The following NDUFA10 variants were observed in gnomAD, a reference collection of about 807,000 sequenced individuals.
NDUFA10 encodes the protein NADH:ubiquinone oxidoreductase subunit A10.
A neutral mutation model predicts 47.8 loss-of-function variants in NDUFA10; 40 were observed. The ratio of observed to expected loss-of-function variants is 0.84; its 90% CI spans 0.65 to 1.09. NDUFA10 has a LOEUF of 1.09. Among genes scored for constraint, NDUFA10 ranks in the 50% least tolerant of loss-of-function variants. The pLI is 0.00. For synonymous variants in NDUFA10, 183 were observed against 172.2 expected, an observed-to-expected ratio of 1.06 and a Z score of -0.49; for missense variants, 413 against 451.1, an observed-to-expected ratio of 0.92 and a Z score of 0.76.
intron 4 of NDUFA10, among the ~76,000 whole-genome samples, chr2:239,916,802 C>G (rs904456710): frequency 3.3e-5 from 5 of 152,230 alleles, no homozygotes; most frequent in Admixed American, 2.6e-4. Context: ...TTGATTCCCT[C>G]AGGAGGAGCA....
At chr2:239,995,527 G>A (rs931204098) in intron 8 of NDUFA10, among the ~76,000 whole-genome samples, 2 of 152,178 alleles carry the variant, frequency 1.3e-5, no homozygotes, top group Non-Finnish European at 2.9e-5. Flanking sequence ...TCCAGAGAAG[G>A]CAGAAAAAGA....
Position 239,959,719 on chromosome 2 carries a change from GGACA to G in NDUFA10, c.*1395_*1398del, listed in dbSNP as rs1694770656. ...AGGAAAGAGGCAGGGAGGAAAACAA[GGACA>G]GACGGAAGGAAGGAAGAGAAGGAGG... is the stretch of plus-strand genomic sequence containing the variant. On this transcript the variant is annotated 3_prime_UTR_variant, in exon 10 of 10. Transcript: ENST00000252711. 1 of 788,776 alleles carries G rather than the reference GGACA, an allele frequency of 1.3e-6. No homozygotes were observed. The highest frequency in any genetic ancestry group is 1.9e-5 in the African/African-American group (1 of 52,106). 48.9% of individuals were successfully genotyped at this position (788,776 alleles called of 1,614,324 possible). A position where few individuals can be genotyped will look rare whatever the true frequency, so the allele number is the denominator to read the frequency against.
At chr2:239,980,705 G>A (rs1026249401) in intron 9 of NDUFA10, among the ~76,000 whole-genome samples, 7 of 152,252 alleles carry the variant, frequency 4.6e-5, no homozygotes, top group Non-Finnish European at 1.0e-4. Context: ...TACATGTACA[G>A]CTGAGCTCCG....
chr2:239,941,019 G>A (rs1020620736), intron 4 of NDUFA10, among the ~76,000 whole-genome samples: 14 of 152,200 alleles, frequency 9.2e-5, no homozygotes, highest in Admixed American at 2.6e-4. Context: ...ACTGCAGGCC[G>A]TCTGGGTACC....
intron 4 of NDUFA10, among the ~76,000 whole-genome samples, chr2:239,932,873 G>A (rs184891824): frequency 0.018 from 2,754 of 152,314 alleles, 42 homozygotes; most frequent in Middle Eastern, 0.044. Context: ...GAGCCACCGC[G>A]CCTGGCCTCT....
In NDUFA10 at chr2:240,019,696, G is replaced by A. The variant is rs1454976901; in HGVS notation, c.461-1057C>T. ...TAGCCGGGCGTAGTGGCGGGCGCCT[G>A]TAGTCCCAGCTACTTGGGAGGCTGA... is the stretch of plus-strand genomic sequence containing the variant. On this transcript the variant is annotated intron_variant, in intron 3 of 9. Coordinates refer to ENST00000252711, the MANE Select transcript of NDUFA10 (RefSeq NM_004544.4). Among the ~76,000 whole-genome samples, 5 of 82,478 alleles carry A rather than the reference G, an allele frequency of 6.1e-5. 1 individual carries two copies. The highest frequency in any genetic ancestry group is 2.4e-4 in the African/African-American group (5 of 21,124). The allele number at this position is 82,478 out of a possible 152,430, so 54.1% of individuals were successfully genotyped here.
intron 3 of NDUFA10, among the ~76,000 whole-genome samples, chr2:240,019,236 G>C (rs1265826759): frequency 2.0e-5 from 3 of 152,096 alleles, no homozygotes; most frequent in African/African-American, 7.2e-5. Flanking sequence ...TTTCCACATC[G>C]AGTCTTCATC....
intron 9 of NDUFA10, among the ~76,000 whole-genome samples, chr2:239,981,465 T>G (rs889429976): frequency 2.0e-5 from 3 of 152,104 alleles, no homozygotes; most frequent in African/African-American, 7.2e-5. Flanking sequence ...AGGAATAAGA[T>G]CCTACCAACA....
Position 240,022,393 on chromosome 2 carries a change from A to C in NDUFA10, c.76-53T>G, listed in dbSNP as rs573803718. 163 of 1,611,904 alleles carry C rather than the reference A, an allele frequency of 1.0e-4. 2 individuals are homozygous for C. In the African/African-American group the frequency reaches 2.0e-3, roughly 20 times the overall value. On this transcript the variant is annotated intron_variant, in intron 1 of 9. Transcript: ENST00000252711. ...ACATTGTGACCACTCTGGTTCCTGTAGGCATTAGTAACTATTAGGTAAAAA... is the reference window on the plus strand; with the variant it reads ...ACATTGTGACCACTCTGGTTCCTGTCGGCATTAGTAACTATTAGGTAAAAA...
chr2:240,011,579 A>C, intron 6 of NDUFA10, 38 bp downstream of exon 6: 1 of 1,535,726 alleles, frequency 6.5e-7, no homozygotes, highest in Non-Finnish European at 9.0e-7. Flanking sequence ...GTGGCGAAGA[A>C]GTTTTAGCCC....
chr2:240,021,632 C>A (rs1020432907), intron 2 of NDUFA10, among the ~76,000 whole-genome samples: 7 of 152,216 alleles, frequency 4.6e-5, no homozygotes, highest in East Asian at 3.8e-4. Context: ...TGCACAGTGC[C>A]CTTATCCAGG....
chr2:239,953,187 G>C (rs28722488), downstream of NDUFA10, among the ~76,000 whole-genome samples: 2,435 of 152,298 alleles, frequency 0.016, 56 homozygotes, highest in African/African-American at 0.055. Flanking sequence ...TGTCATCACA[G>C]GGGTTCTTGC....
chr2:239,941,465 C>T (rs1258524991), intron 4 of NDUFA10, among the ~76,000 whole-genome samples: 2 of 151,348 alleles, frequency 1.3e-5, no homozygotes, highest in Non-Finnish European at 2.9e-5. Flanking sequence ...GTGGCTCACA[C>T]CTATAATCCC....
At position 239,906,124 on chromosome 2, in the gene NDUFA10, C is replaced by G. The variant is rs1052603664; in HGVS notation, c.295-10810G>C. ...AGATGTGTGCTGAGCTCATGACCTTCGGGGGCTCTGGGCGGGCCCTGCTCT... is the reference window on the plus strand; with the variant it reads ...AGATGTGTGCTGAGCTCATGACCTTGGGGGGCTCTGGGCGGGCCCTGCTCT... On this transcript the variant is annotated intron_variant, in intron 4 of 5. Coordinates refer to the NDUFA10 transcript ENST00000419408. The surrounding 1 kb of genome is among the most constrained non-coding windows in gnomAD (Gnocchi z 4.3). Among the ~76,000 whole-genome samples, 6 of 152,104 alleles carry G rather than the reference C, an allele frequency of 3.9e-5. No individual in the cohort carries two copies. Among genetic ancestry groups the G allele is most frequent in the African/African-American group, 1.2e-4 (5 of 41,410 alleles).
At chr2:239,982,763 T>G (rs1436755304) in intron 9 of NDUFA10, among the ~76,000 whole-genome samples, 1 of 152,180 alleles carries the variant, frequency 6.6e-6, no homozygotes, top group Non-Finnish European at 1.5e-5. Flanking sequence ...TATTACACCA[T>G]TAGTATTTGT....
chr2:240,022,394 G>A (rs547370720), intron 1 of NDUFA10, 54 bp from the exon 2 acceptor site: 180 of 1,611,478 alleles, frequency 1.1e-4, no homozygotes, highest in Non-Finnish European at 1.5e-4. Flanking sequence ...GGTTCCTGTA[G>A]GCATTAGTAA....
intron 4 of NDUFA10, among the ~76,000 whole-genome samples, chr2:239,901,013 C>T (rs892583800): frequency 6.6e-6 from 1 of 152,188 alleles, no homozygotes; most frequent in African/African-American, 2.4e-5. Context: ...GTAGAAGAAA[C>T]AGCTTTCTGT....
rs531091874 is a variant in NDUFA10 at position 240,021,223 on chromosome 2, T to G, written c.434A>C (p.Asp145Ala). 5.2e-5 allele frequency: 84 copies of G among 1,614,178 alleles called. No individual in the cohort carries two copies. In the South Asian group the frequency reaches 9.0e-4, roughly 17 times the overall value. The change falls in exon 3 of 10, where the codon GAT becomes GCT. Residue 145 changes from aspartate to alanine, a missense_variant. Coordinates refer to ENST00000252711, the MANE Select transcript of NDUFA10 (RefSeq NM_004544.4). ...LYSSRLLQYS[D>A]ALEHLLTTGQ... The stretch of plus-strand genomic sequence containing the variant: ...TGTGGTCAGCAAGTGCTCCAAGGCA[T>G]CTGAGTACTGCAGCAGGCGACTGCT...
Position 239,903,993 on chromosome 2 carries a change from C to T in NDUFA10, c.295-8679G>A, listed in dbSNP as rs189086262. ...ACAGTGGGGCAGCACAGAGTCCAGA[C>T]GCCCTGGATGATGCAGGCGTCTGCC... On this transcript the variant is annotated intron_variant, in intron 4 of 5. Coordinates refer to the NDUFA10 transcript ENST00000419408. Among the ~76,000 whole-genome samples the T allele has an allele frequency of 1.6e-4, 24 of 152,294 alleles. No homozygotes were observed. The East Asian group carries it at 4.1e-3, about 26-fold the overall frequency.
Sources: allele counts gnomAD v4.1 joint callset (sites outside exome capture counted in the v4.1 genomes callset), GRCh38; gene constraint gnomAD v4.1.1; non-coding constraint Gnocchi (gnomAD v3.1); transcripts MANE v1.5; gene names NCBI Gene and HGNC (gene_info 2026-07-23, HGNC 2026-07-21).